Variants in PRRC2B observed in about 807,000 individuals in gnomAD.
The protein encoded by PRRC2B is proline rich coiled-coil 2B, also known as protein PRRC2B.
PRRC2B carries 68 observed loss-of-function variants against 242.3 expected under a neutral mutation model. The ratio of observed to expected loss-of-function variants is 0.28; its 90% CI spans 0.23 to 0.34. The LOEUF is 0.34. PRRC2B is among the 10% of genes least tolerant of loss of function. PRRC2B has a pLI of 1.00. For synonymous variants in PRRC2B, 1,228 were observed against 1,173.6 expected, an observed-to-expected ratio of 1.05 and a Z score of -0.95; for missense variants, 2,835 against 2,954.8, an observed-to-expected ratio of 0.96 and a Z score of 0.94.
chr9:131,483,475 C>T (rs1487713771), intron 23 of PRRC2B, 30 bp downstream of exon 23: 2 of 1,595,412 alleles, frequency 1.3e-6, no homozygotes, highest in Admixed American at 1.7e-5. Flanking sequence ...TTTGGCTCCA[C>T]TCACTGCTTG....
At chr9:131,409,078 A>C (rs1212972043) in intron 1 of PRRC2B, among the ~76,000 whole-genome samples, 1 of 149,004 alleles carries the variant, frequency 6.7e-6, no homozygotes, top group Non-Finnish European at 1.5e-5. Flanking sequence ...GCTGGAGTGC[A>C]ATGGCGCGAT....
At chr9:131,493,590 G>A (rs144123863) in intron 30 of PRRC2B, among the ~76,000 whole-genome samples, 48 of 152,374 alleles carry the variant, frequency 3.2e-4, no homozygotes, top group African/African-American at 1.1e-3. Flanking sequence ...AGCATATTTA[G>A]AAAGTGGAAG....
chr9:131,419,594 G>C (rs1180340262), intron 1 of PRRC2B, among the ~76,000 whole-genome samples: 1 of 152,240 alleles, frequency 6.6e-6, no homozygotes, highest in Non-Finnish European at 1.5e-5. Context: ...TGAGGTGACA[G>C]CCGCCATTGG....
intron 3 of PRRC2B, among the ~76,000 whole-genome samples, chr9:131,433,692 C>T (rs1838251760): frequency 6.6e-6 from 1 of 152,208 alleles, no homozygotes; most frequent in African/African-American, 2.4e-5. Flanking sequence ...CTCTGGTGGC[C>T]TCCCTGCTGA....
At chr9:131,474,144 G>T (rs190106990) in intron 15 of PRRC2B, among the ~76,000 whole-genome samples, 1 of 152,198 alleles carries the variant, frequency 6.6e-6, no homozygotes, top group East Asian at 1.9e-4. Context: ...GGATTGCCTG[G>T]CTCCTCTGTC....
chr9:131,466,529 G>A (rs1349352528), intron 12 of PRRC2B, among the ~76,000 whole-genome samples: 2 of 152,020 alleles, frequency 1.3e-5, no homozygotes, highest in Non-Finnish European at 2.9e-5. Flanking sequence ...TTGCCAGCAG[G>A]AAGTCATACA....
intron 17 of PRRC2B, among the ~76,000 whole-genome samples, 161 bp downstream of exon 17, chr9:131,478,110 T>G (rs1943756262): frequency 6.6e-6 from 1 of 151,534 alleles, no homozygotes; most frequent in Non-Finnish European, 1.5e-5. Flanking sequence ...GTGAGCAGAG[T>G]AGGTAGGATT....
chr9:131,481,999 G>A (rs909304475), intron 20 of PRRC2B, among the ~76,000 whole-genome samples, 191 bp downstream of exon 20: 1 of 152,228 alleles, frequency 6.6e-6, no homozygotes, highest in Non-Finnish European at 1.5e-5. Context: ...TGCATGGGGC[G>A]TGCATGAGCA....
At chr9:131,439,670 C>T (rs904477681) in intron 5 of PRRC2B, among the ~76,000 whole-genome samples, 3 of 150,410 alleles carry the variant, frequency 2.0e-5, no homozygotes, top group African/African-American at 7.5e-5. Flanking sequence ...AATCCCTGTG[C>T]TCAAAGGCTC....
rs1166408090 is a variant in PRRC2B, at chr9:131,475,739, G to A, written c.3610G>A (p.Ala1204Thr). The A allele has an allele frequency of 1.2e-6, 2 of 1,613,396 alleles. No individual in the cohort carries two copies. Among genetic ancestry groups the A allele is most frequent in the Admixed American group, 3.3e-5 (2 of 59,960 alleles). Residue 1204 changes from alanine to threonine, a missense_variant, in exon 16 of 32, where the codon GCC becomes ACC. By Grantham distance (58) the Ala-to-Thr change is moderately conservative. Around this residue, in one of 7 missense-constraint regions of PRRC2B, gnomAD observed 1,536 missense variants for 1,483.1 expected, o/e 1.04. Coordinates refer to ENST00000683519, the MANE Select transcript of PRRC2B (RefSeq NM_013318.4). The stretch of plus-strand genomic sequence containing the variant: ...CCGAGGCCCTCGGGCCTTTGGGCGA[G>A]CCCTCCCTCCCCGGCTGAGCAATTG... ...KSRGPRAFGR[A>T]LPPRLSNCGY...
intron 23 of PRRC2B, 25 bp from the exon 24 acceptor site, chr9:131,484,661 A>G (rs752207808): frequency 2.4e-5 from 37 of 1,571,318 alleles, no homozygotes; most frequent in Non-Finnish European, 3.1e-5. Flanking sequence ...TTTGTGTTCC[A>G]TGGTTTCCTT....
chr9:131,383,136 T>C (rs1182912523), intron 1 of PRRC2B, among the ~76,000 whole-genome samples: 2 of 152,216 alleles, frequency 1.3e-5, no homozygotes, highest in African/African-American at 4.8e-5. Flanking sequence ...CTTTAAGGCC[T>C]GGCCTCAAAA....
chr9:131,413,964 C>A (rs548828997), intron 1 of PRRC2B, among the ~76,000 whole-genome samples: 1 of 152,198 alleles, frequency 6.6e-6, no homozygotes, highest in Admixed American at 6.5e-5. Context: ...GCCACCACGC[C>A]GGGCCTTAAT....
At chr9:131,421,843 T>C (rs1169896680) in intron 1 of PRRC2B, among the ~76,000 whole-genome samples, 2 of 152,186 alleles carry the variant, frequency 1.3e-5, no homozygotes, top group African/African-American at 4.8e-5. Flanking sequence ...AGAAAGCAGC[T>C]GTTGAGCCTG....
rs1564299944 is a variant in PRRC2B at position 131,482,945 on chromosome 9, C to CTTTTTA, written c.5373+43_5373+48dup. 4 of 1,565,170 alleles carry CTTTTTA rather than the reference C, an allele frequency of 2.6e-6. No homozygotes were observed. The highest frequency in any genetic ancestry group is 2.6e-6 in the Non-Finnish European group (3 of 1,154,346). ...TTTGTTTTCTTGCTTGCTTTTTTTA[C>CTTTTTA]TTTTTATTTTGGTACTTGGAGAGGC... On this transcript the variant is annotated intron_variant, in intron 22 of 31. Coordinates refer to ENST00000683519, the MANE Select transcript of PRRC2B (RefSeq NM_013318.4). This position sits in a 1 kb window ranked among gnomAD's most constrained non-coding sequence, Gnocchi z 5.2.
chr9:131,467,537 C>T (rs1943431638), intron 12 of PRRC2B, 26 bp from the exon 13 acceptor site: 1 of 1,547,654 alleles, frequency 6.5e-7, no homozygotes, highest in Non-Finnish European at 8.7e-7. Context: ...CTCACTGTGT[C>T]ATTTCTCTGC....
chr9:131,388,540 CTTTTTTTCTT>C (rs1289312201), intron 1 of PRRC2B, among the ~76,000 whole-genome samples: 1 of 148,662 alleles, frequency 6.7e-6, no homozygotes, highest in African/African-American at 2.5e-5. Flanking sequence ...ACGCCCAGCA[CTTTTTTTCTT>C]TTCTTTTCTT....
At chr9:131,381,030 C>T (rs1481238625) in intron 1 of PRRC2B, among the ~76,000 whole-genome samples, 1 of 152,048 alleles carries the variant, frequency 6.6e-6, no homozygotes, top group African/African-American at 2.4e-5. Flanking sequence ...TTCTCCAGGG[C>T]CTACACTTCT....
rs780635167 is a variant in PRRC2B at position 131,430,246 on chromosome 9, G to T, written c.102G>T (p.Ala34=). The change falls in exon 2 of 32, where the codon GCG becomes GCT. Residue 34 remains alanine, a synonymous_variant. Coordinates refer to ENST00000683519, the MANE Select transcript of PRRC2B (RefSeq NM_013318.4). ...AGTATAAAGGAAAATCAGTAGACGC[G>T]ATTAGATCCTCAGGTAAGGCCCAGG... ...FDKYKGKSVD[A]IRSSVIPRHG... is the part of the protein sequence containing the mutation. 1.3e-6 allele frequency: 2 copies of T among 1,591,102 alleles called. No homozygotes were observed. The highest frequency in any genetic ancestry group is 1.1e-5 in the South Asian group (1 of 87,606).
Sources: gnomAD v4.1 joint callset for allele counts (sites outside exome capture counted in the v4.1 genomes callset) on GRCh38, gnomAD v4.1.1 for gene constraint, gnomAD v4.1.1 regional missense constraint, Gnocchi (gnomAD v3.1) non-coding constraint, MANE v1.5 for transcripts, NCBI Gene and HGNC (gene_info 2026-07-23, HGNC 2026-07-21) for gene names.